MYO1B: variants seen among roughly 807,000 people sequenced by gnomAD.
MYO1B encodes the protein myosin IB, also known as unconventional myosin-Ib.
MYO1B carries 72 observed loss-of-function variants against 159.7 expected under a neutral mutation model. That is an observed-to-expected ratio of 0.45 (90% confidence interval 0.37 to 0.55). MYO1B has a LOEUF of 0.55. MYO1B is among the 20% of genes least tolerant of loss of function. The probability of loss-of-function intolerance (pLI) is 0.00; values close to 1 mark genes in which losing one functional copy is unlikely to be tolerated. For missense variants in MYO1B, 1,062 were observed against 1,364.8 expected (o/e 0.78, Z 3.50); for synonymous variants, 468 against 473.8 (o/e 0.99, Z 0.16).
rs1698124275 is a variant in MYO1B, at chr2:191,424,518, A to G, written c.*558A>G. 6.6e-6 allele frequency: 1 copy of G among 152,252 alleles called. No individual in the cohort carries two copies. The highest frequency in any genetic ancestry group is 1.5e-5 in the Non-Finnish European group (1 of 68,078). The allele number at this position is 152,252 out of a possible 1,614,324, so 9.4% of individuals were successfully genotyped here. On this transcript the variant is annotated 3_prime_UTR_variant, in exon 31 of 31. Transcript: ENST00000392318. Reference sequence around the variant, plus strand: ...ATTATTAGGAACCCTGTAGTATGATATTTAACAATATAGGCTTCAAGAAGG... The same window carrying G: ...ATTATTAGGAACCCTGTAGTATGATGTTTAACAATATAGGCTTCAAGAAGG...
intron 3 of MYO1B, 103 bp from the exon 4 acceptor site, chr2:191,329,832 A>G: frequency 1.2e-6 from 1 of 858,060 alleles, no homozygotes; most frequent in South Asian, 2.0e-5. Context: ...CTTGCTTTCC[A>G]AAAGCATATC....
chr2:191,262,604 G>A (rs1298906119), intron 1 of MYO1B, among the ~76,000 whole-genome samples: 1 of 128,986 alleles, frequency 7.8e-6, no homozygotes, highest in Non-Finnish European at 1.7e-5. Flanking sequence ...GTTAGGCTAT[G>A]TAATGCTTCT....
chr2:191,329,206 T>G (rs1276206131), intron 3 of MYO1B, among the ~76,000 whole-genome samples: 1 of 152,198 alleles, frequency 6.6e-6, no homozygotes, highest in Non-Finnish European at 1.5e-5. Context: ...GGACCACTGC[T>G]CTGGCCTTAC....
chr2:191,414,407 G>A lies in MYO1B; in HGVS notation c.3007-110G>A, dbSNP rs537520389. The A allele has an allele frequency of 8.8e-4, 968 of 1,104,190 alleles. 1 individual carries two copies. The highest frequency in any genetic ancestry group is 1.2e-3 in the Non-Finnish European group (932 of 792,490). The allele number at this position is 1,104,190 out of a possible 1,614,324, so 68.4% of individuals were successfully genotyped here. A position where few individuals can be genotyped will look rare whatever the true frequency, so the allele number is the denominator to read the frequency against. On this transcript the variant is annotated intron_variant, in intron 28 of 30. Coordinates refer to ENST00000392318, the MANE Select transcript of MYO1B (RefSeq NM_001130158.3). ...TTTACTGCGTTCTTGGTTTACATAGGTATGTTTGTTGAAGGATATTGGAAT... is the reference window on the plus strand; with the variant it reads ...TTTACTGCGTTCTTGGTTTACATAGATATGTTTGTTGAAGGATATTGGAAT...
At chr2:191,423,711 G>C (rs1698086403) in intron 30 of MYO1B, 126 bp from the exon 31 acceptor site, 1 of 970,108 alleles carries the variant, frequency 1.0e-6, no homozygotes, top group Non-Finnish European at 1.4e-6. Flanking sequence ...CAGATTTTCG[G>C]ATTAGGTTAG....
At chr2:191,327,954 A>C (rs1046207617) in intron 3 of MYO1B, among the ~76,000 whole-genome samples, 3 of 152,214 alleles carry the variant, frequency 2.0e-5, no homozygotes, top group Non-Finnish European at 4.4e-5. Flanking sequence ...AGGGGTGGCT[A>C]TCCTTGAGGA....
At chr2:191,259,986 GT>G (rs1467030178) in intron 1 of MYO1B, among the ~76,000 whole-genome samples, 3 of 152,156 alleles carry the variant, frequency 2.0e-5, no homozygotes, top group African/African-American at 7.2e-5. Context: ...GGTGGAAGCT[GT>G]GGATAATGTT....
chr2:191,322,624 A>T (rs557127876), intron 3 of MYO1B, among the ~76,000 whole-genome samples: 72 of 152,276 alleles, frequency 4.7e-4, no homozygotes, highest in Non-Finnish European at 8.8e-4. Context: ...CAAGGATTAC[A>T]AATAAGAGTT....
rs71908063 is a variant in MYO1B, at chr2:191,383,895, ATTAAGT to A, written c.1353+560_1353+565del. Among the ~76,000 whole-genome samples, 847 of 152,228 alleles carry A rather than the reference ATTAAGT, an allele frequency of 5.6e-3. 7 individuals are homozygous for A. Among genetic ancestry groups the A allele is most frequent in the African/African-American group, 0.019 (800 of 41,552 alleles). Reference sequence around the variant, plus strand: ...TAACATACTATTCACCGGGTATTATATTAAGTTTAAGTGACATAAAGGGACAACCTC... The same window carrying A: ...TAACATACTATTCACCGGGTATTATATTAAGTGACATAAAGGGACAACCTC... On this transcript the variant is annotated intron_variant, in intron 15 of 30. Coordinates refer to ENST00000392318, the MANE Select transcript of MYO1B (RefSeq NM_001130158.3).
intron 20 of MYO1B, among the ~76,000 whole-genome samples, chr2:191,393,427 A>C (rs1453635722): frequency 2.0e-5 from 3 of 152,216 alleles, no homozygotes; most frequent in Admixed American, 2.0e-4. Flanking sequence ...CCACATAGCT[A>C]TAAGTGGTAG....
At position 191,411,129 on chromosome 2, in the gene MYO1B, G is replaced by T. The variant is rs1697228155; in HGVS notation, c.2830G>T (p.Ala944Ser). The T allele has an allele frequency of 6.2e-7, 1 of 1,612,204 alleles. No homozygotes were observed. Among genetic ancestry groups the T allele is most frequent in the South Asian group, 1.1e-5 (1 of 90,584 alleles). The change falls in exon 27 of 31, where the codon GCC becomes TCC. Residue 944 changes from alanine to serine, a missense_variant. Transcript: ENST00000392318. ...QKLIYEEKLE[A>S]SELFKDKKAL... is the part of the protein sequence containing the mutation. ...ACTTATTTATGAAGAGAAACTAGAA[G>T]CCAGTGAACTCTTCAAAGACAAGAA...
Position 191,341,534 on chromosome 2 carries a change from A to T in MYO1B, c.420A>T (p.Glu140Asp), listed in dbSNP as rs1164900613. The change falls in exon 5 of 31, where the codon GAA (glutamate) becomes GAT (aspartate). Residue 140 changes from glutamate to aspartate, a missense_variant. Coordinates refer to ENST00000392318, the MANE Select transcript of MYO1B (RefSeq NM_001130158.3). The part of the protein sequence containing the change: ...GKGAEVNQVK[E>D]QLLQSNPVLE... ...GAGCAGAAGTTAATCAAGTTAAAGA[A>T]CAGCTTTTACAGTCCAACCCGGTCC... 1 of 1,614,046 alleles carries T rather than the reference A, an allele frequency of 6.2e-7. No individual in the cohort carries two copies. Among genetic ancestry groups the T allele is most frequent in the Admixed American group, 1.7e-5 (1 of 60,012 alleles).
rs1301100713 is a variant in MYO1B, at chr2:191,418,061, A to T, written c.3287+1819A>T. ...ATGAAGAAAACAAACATTGGGTAGC[A>T]TTATAATGCCTTTCATTCTCCAGTG... On this transcript the variant is annotated intron_variant, in intron 30 of 30. Coordinates refer to ENST00000392318, the MANE Select transcript of MYO1B (RefSeq NM_001130158.3). 6.6e-5 allele frequency among the ~76,000 whole-genome samples: 10 copies of T among 152,356 alleles called. No homozygotes were observed. In the East Asian group the frequency reaches 1.9e-3, roughly 29 times the overall value.
chr2:191,380,759 T>C (rs866887432), intron 13 of MYO1B, among the ~76,000 whole-genome samples: 4 of 152,094 alleles, frequency 2.6e-5, no homozygotes, highest in Admixed American at 2.0e-4. Context: ...GGGAGATGCT[T>C]TAATCTTTGG....
chr2:191,288,703 T>C (rs905925795), intron 2 of MYO1B, among the ~76,000 whole-genome samples: 5 of 152,190 alleles, frequency 3.3e-5, no homozygotes, highest in Non-Finnish European at 7.3e-5. Flanking sequence ...TGTAAAATGG[T>C]TTGTAGCCTA....
chr2:191,335,636 TGAAA>T (rs1333120649), intron 4 of MYO1B, among the ~76,000 whole-genome samples: 1 of 152,190 alleles, frequency 6.6e-6, no homozygotes, highest in East Asian at 1.9e-4. Context: ...AGTAAATAAA[TGAAA>T]GAAGATGATT....
At chr2:191,381,298 G>A (rs1401168314) in intron 13 of MYO1B, 164 bp from the exon 14 acceptor site, 5 of 696,324 alleles carry the variant, frequency 7.2e-6, no homozygotes, top group Non-Finnish European at 1.3e-5. Context: ...CTCCTCGAGT[G>A]CCTGCAATGG....
At position 191,408,200 on chromosome 2, in the gene MYO1B, A is replaced by G; in HGVS notation, c.2631+11A>G. The G allele has an allele frequency of 1.9e-6, 3 of 1,595,814 alleles. No homozygotes were observed. Among genetic ancestry groups the G allele is most frequent in the Non-Finnish European group, 2.6e-6 (3 of 1,163,650 alleles). On this transcript the variant is annotated intron_variant, in intron 25 of 30. Transcript: ENST00000392318. ...ACGCTTCAGAGAATTGTAAGTTGAC[A>G]CTTTATATCTGTGGATAATCAGCAT...
rs61446205 is a variant in MYO1B at position 191,292,346 on chromosome 2, A to C, written c.136-3765A>C. ...GCCCTCCTTGGGAGATCCTGAGAAC[A>C]TGTGCCCAAGATGATTGGGACATTT... On this transcript the variant is annotated intron_variant, in intron 2 of 30. Coordinates refer to ENST00000392318, the MANE Select transcript of MYO1B (RefSeq NM_001130158.3). Among the ~76,000 whole-genome samples the C allele has an allele frequency of 5.0e-3, 757 of 152,286 alleles. 9 individuals are homozygous for C. The highest frequency in any genetic ancestry group is 0.017 in the African/African-American group (714 of 41,540).
Sources: allele counts gnomAD v4.1 joint callset (sites outside exome capture counted in the v4.1 genomes callset), GRCh38; gene constraint gnomAD v4.1.1; transcripts MANE v1.5; gene names NCBI Gene and HGNC (gene_info 2026-07-23, HGNC 2026-07-21).